The following FSTL4 variants were observed in gnomAD, a reference collection of about 807,000 sequenced individuals.
FSTL4 encodes the protein follistatin-related protein 4.
FSTL4 carries 28 observed loss-of-function variants against 78.2 expected under a neutral mutation model. That is an observed-to-expected ratio of 0.36 (90% CI 0.27 to 0.49). The LOEUF (loss-of-function observed/expected upper bound fraction) is 0.49, where lower values mean the gene tolerates loss of function less well. Ranked by LOEUF, FSTL4 falls within the 20% of genes least tolerant of loss-of-function variation. FSTL4 has a pLI of 0.98. For synonymous variants in FSTL4, 422 were observed against 440.5 expected (o/e 0.96, Z 0.53); for missense variants, 922 against 1,084.9 (o/e 0.85, Z 2.11).
intron 2 of FSTL4, chr5:133,574,923 CG>C (rs1303240398): frequency 6.6e-6 from 1 of 151,874 alleles, no homozygotes; most frequent in Admixed American, 6.6e-5. Context: ...GGATAATGAC[CG>C]GGGGACACAG....
chr5:133,683,331 G>A, the FSTL4 span, among the ~76,000 whole-genome samples: 1 of 152,166 alleles, frequency 6.6e-6, no homozygotes, highest in Non-Finnish European at 1.5e-5. Flanking sequence ...TATCTTCAAT[G>A]TTTGGCATGC....
chr5:133,521,699 C>T (rs1758984773), intron 3 of FSTL4, among the ~76,000 whole-genome samples: 1 of 152,162 alleles, frequency 6.6e-6, no homozygotes, highest in African/African-American at 2.4e-5. Context: ...TCTAAATTAA[C>T]TCCCAGAGAC....
chr5:133,765,975 G>A, the FSTL4 span, among the ~76,000 whole-genome samples: 1 of 152,306 alleles, frequency 6.6e-6, no homozygotes, highest in South Asian at 2.1e-4. Context: ...CCACCCAGAT[G>A]ATGGGCGCTC....
At chr5:133,554,058 G>T (rs1759738567) in intron 3 of FSTL4, among the ~76,000 whole-genome samples, 1 of 152,226 alleles carries the variant, frequency 6.6e-6, no homozygotes, top group Non-Finnish European at 1.5e-5. Flanking sequence ...CAAATAAGGG[G>T]TGACCCTGTG....
At chr5:133,812,632 C>T in the FSTL4 span, among the ~76,000 whole-genome samples, 2 of 152,212 alleles carry the variant, frequency 1.3e-5, no homozygotes, top group Non-Finnish European at 2.9e-5. Context: ...TTAAGGTCCC[C>T]ACTCCATCCC....
chr5:133,734,561 G>GCA, the FSTL4 span, among the ~76,000 whole-genome samples: 1 of 152,166 alleles, frequency 6.6e-6, no homozygotes, highest in Non-Finnish European at 1.5e-5. Context: ...TGGGTGACAG[G>GCA]CACACGATGG....
At chr5:133,346,784 A>G (rs1353069411) in intron 4 of FSTL4, among the ~76,000 whole-genome samples, 2 of 152,106 alleles carry the variant, frequency 1.3e-5, no homozygotes. Context: ...ATTGCTAGTC[A>G]TCTGTGTTTC....
intron 6 of FSTL4, among the ~76,000 whole-genome samples, chr5:133,264,729 A>G (rs1170201394): frequency 1.3e-5 from 2 of 152,220 alleles, no homozygotes; most frequent in Non-Finnish European, 2.9e-5. Context: ...ATTATCTTGC[A>G]GTGAGAACCC....
At chr5:133,745,401 A>G in the FSTL4 span, among the ~76,000 whole-genome samples, 6 of 152,262 alleles carry the variant, frequency 3.9e-5, no homozygotes, top group Admixed American at 3.9e-4. Flanking sequence ...TAATTCAATA[A>G]GCACATAAGA....
intron 3 of FSTL4, among the ~76,000 whole-genome samples, chr5:133,543,376 A>G (rs1759515174): frequency 6.6e-6 from 1 of 152,184 alleles, no homozygotes; most frequent in Non-Finnish European, 1.5e-5. Flanking sequence ...TAATGGAATT[A>G]TTTAAGATTA....
chr5:133,356,157 C>T (rs985448971), intron 4 of FSTL4, among the ~76,000 whole-genome samples: 3 of 152,214 alleles, frequency 2.0e-5, no homozygotes, highest in African/African-American at 7.2e-5. Context: ...TTCATGCAGA[C>T]AGCTATGTAC....
At chr5:133,560,007 C>G (rs1404462163) in intron 3 of FSTL4, among the ~76,000 whole-genome samples, 1 of 152,196 alleles carries the variant, frequency 6.6e-6, no homozygotes, top group African/African-American at 2.4e-5. Context: ...AGCCCTGGGA[C>G]ATGCCAGGCA....
chr5:133,650,486 A>C, the FSTL4 span, among the ~76,000 whole-genome samples: 7,717 of 152,236 alleles, frequency 0.051, 641 homozygotes, highest in African/African-American at 0.18. Flanking sequence ...TGAAGAGTGA[A>C]AAGTCTATGT....
At chr5:133,613,455 G>A (rs1761146753), upstream of FSTL4, among the ~76,000 whole-genome samples, 1 of 152,206 alleles carries the variant, frequency 6.6e-6, no homozygotes, top group South Asian at 2.1e-4. Context: ...CCTGGCCGGG[G>A]GGAGGTGACA....
Position 133,218,105 on chromosome 5 carries a change from A to G in FSTL4, c.1459-727T>C, listed in dbSNP as rs80270690. On this transcript the variant is annotated intron_variant, in intron 12 of 15. Transcript: ENST00000265342. ...TAGCTCCACTTGGTTGTTCAAAATC[A>G]ACTCTTGATTTTACTTCTTAATCCT... 8.5e-5 allele frequency among the ~76,000 whole-genome samples: 13 copies of G among 152,256 alleles called. No homozygotes were observed. In the East Asian group the frequency reaches 1.9e-3, roughly 23 times the overall value.
In FSTL4 at chr5:133,357,480, C is replaced by G. The variant is rs1754966888; in HGVS notation, c.410-40828G>C. Among the ~76,000 whole-genome samples the G allele has an allele frequency of 2.0e-5, 3 of 152,176 alleles. No homozygotes were observed. In the South Asian group the frequency reaches 6.2e-4, roughly 32 times the overall value. ...GAAAAAAGGGACAGGGATTGGGAGC[C>G]AGGGAGCCAATTTCTAGTTGTGTTT... On this transcript the variant is annotated intron_variant, in intron 4 of 15. Transcript: ENST00000265342.
chr5:133,388,131 T>C (rs573481451), intron 4 of FSTL4, among the ~76,000 whole-genome samples: 1 of 152,258 alleles, frequency 6.6e-6, no homozygotes, highest in African/African-American at 2.4e-5. Context: ...TAACTATATT[T>C]GAAAAAGTTA....
chr5:133,583,024 C>A (rs1384640714), intron 2 of FSTL4, among the ~76,000 whole-genome samples: 4 of 152,148 alleles, frequency 2.6e-5, no homozygotes, highest in African/African-American at 9.7e-5. Context: ...CTGGGGGTGC[C>A]TGACACTTCC....
chr5:133,391,806 C>A (rs556414057), intron 4 of FSTL4, among the ~76,000 whole-genome samples: 6 of 152,302 alleles, frequency 3.9e-5, no homozygotes, highest in African/African-American at 1.4e-4. Context: ...GACCTTTGCC[C>A]AAATGTCACT....
Sources: gnomAD v4.1 joint callset for allele counts (sites outside exome capture counted in the v4.1 genomes callset) on GRCh38, gnomAD v4.1.1 for gene constraint, MANE v1.5 for transcripts, NCBI Gene and HGNC (gene_info 2026-07-23, HGNC 2026-07-21) for gene names.